Variants in CDK6 observed in about 807,000 individuals in gnomAD.
CDK6 encodes cyclin dependent kinase 6, also known as cyclin-dependent kinase 6.
CDK6 carries 6 observed loss-of-function variants against 37.1 expected under a neutral mutation model. That is an observed-to-expected ratio of 0.16 (90% CI 0.09 to 0.32). The LOEUF (loss-of-function observed/expected upper bound fraction) is 0.32, where lower values mean the gene tolerates loss of function less well. Among genes scored for constraint, CDK6 ranks in the 10% least tolerant of loss-of-function variants. The pLI is 1.00. For synonymous variants in CDK6, 160 were observed against 161.3 expected (o/e 0.99, Z 0.06); for missense variants, 224 against 418.9 (o/e 0.53, Z 4.06).
At position 92,833,642 on chromosome 7, in the gene CDK6, C is replaced by A. The variant is rs1224605554; in HGVS notation, c.-319G>T. The A allele has an allele frequency of 7.9e-6, 4 of 505,432 alleles. No homozygotes were observed. Among genetic ancestry groups the A allele is most frequent in the Non-Finnish European group, 1.4e-5 (4 of 291,228 alleles). 31.3% of individuals were successfully genotyped at this position (505,432 alleles called of 1,614,324 possible). The stretch of plus-strand genomic sequence containing the variant: ...CGAAGCGAAGTCCTCAACACAGACA[C>A]GATTACATAGCCTCTGCCCAAGCGC... On this transcript the variant is annotated 5_prime_UTR_variant, in exon 2 of 8. Transcript: ENST00000424848. The surrounding 1 kb of genome is among the most constrained non-coding windows in gnomAD (Gnocchi z 6.1).
intron 2 of CDK6, among the ~76,000 whole-genome samples, chr7:92,817,613 C>A (rs762779092): frequency 5.3e-5 from 8 of 151,792 alleles, no homozygotes; most frequent in Non-Finnish European, 8.8e-5. Context: ...CTGCTCTCAC[C>A]ACTTTTATTT....
At chr7:92,710,619 G>T in intron 4 of CDK6, 1 of 664,436 alleles carries the variant, frequency 1.5e-6, no homozygotes, top group Non-Finnish European at 1.9e-6. Flanking sequence ...TGCTATAAAT[G>T]GGTCCAGAAA....
At chr7:92,819,986 T>TA (rs888959382) in intron 2 of CDK6, among the ~76,000 whole-genome samples, 1 of 151,146 alleles carries the variant, frequency 6.6e-6, no homozygotes, top group East Asian at 1.9e-4. Flanking sequence ...AAGCAGCCAT[T>TA]AAAAAAAATA....
chr7:92,692,098 T>A (rs967111881), intron 4 of CDK6, among the ~76,000 whole-genome samples: 1 of 151,658 alleles, frequency 6.6e-6, no homozygotes, highest in African/African-American at 2.4e-5. Flanking sequence ...GGAAACTCCA[T>A]CTCTATTAAA....
chr7:92,804,834 A>G lies in CDK6; in HGVS notation c.233+28257T>C, dbSNP rs546489228. Among the ~76,000 whole-genome samples, 4 of 152,284 alleles carry G rather than the reference A, an allele frequency of 2.6e-5. No individual in the cohort carries two copies. In the East Asian group the frequency reaches 7.7e-4, roughly 29 times the overall value. On this transcript the variant is annotated intron_variant, in intron 2 of 7. Transcript: ENST00000424848. Reference sequence around the variant, plus strand: ...AGTAGTCGCAGCACTAGTAACATCTATAAACTCTACCGCCCCAGTTGTGAT... The same window carrying G: ...AGTAGTCGCAGCACTAGTAACATCTGTAAACTCTACCGCCCCAGTTGTGAT...
At chr7:92,641,844 T>C (rs1210553438) in intron 5 of CDK6, among the ~76,000 whole-genome samples, 1 of 152,140 alleles carries the variant, frequency 6.6e-6, no homozygotes, top group Non-Finnish European at 1.5e-5. Flanking sequence ...GCTCTTTACT[T>C]GACTAAAACC....
At chr7:92,701,101 A>C (rs535934768) in intron 4 of CDK6, among the ~76,000 whole-genome samples, 84 of 152,264 alleles carry the variant, frequency 5.5e-4, no homozygotes, top group Admixed American at 4.6e-3. Flanking sequence ...GCTTCTTTGG[A>C]AAATAGTGGG....
chr7:92,654,268 T>C (rs755134322), intron 5 of CDK6, among the ~76,000 whole-genome samples: 9 of 152,212 alleles, frequency 5.9e-5, no homozygotes, highest in Non-Finnish European at 8.8e-5. Context: ...GAAATTTTCT[T>C]CTGATTTAGC....
At chr7:92,777,808 T>C (rs1347034145) in intron 2 of CDK6, among the ~76,000 whole-genome samples, 1 of 152,198 alleles carries the variant, frequency 6.6e-6, no homozygotes. Flanking sequence ...ATTGAATATA[T>C]AAATTACTTT....
chr7:92,618,201 A>C lies in CDK6; in HGVS notation c.705T>G (p.Ile235Met). ...VDQLGKILDV[I>M]GLPGEEDWPR... is the part of the protein sequence containing the mutation. Reference sequence around the variant, plus strand: ...GCCAGTCTTCTTCTCCTGGGAGTCCAATCACGCTACAAAAGAACCACACAT... The same window carrying C: ...GCCAGTCTTCTTCTCCTGGGAGTCCCATCACGCTACAAAAGAACCACACAT... Residue 235 changes from isoleucine to methionine, a missense_variant, in exon 7 of 8, where the codon ATT becomes ATG. Transcript: ENST00000424848. 1 of 1,614,058 alleles carries C rather than the reference A, an allele frequency of 6.2e-7. No individual in the cohort carries two copies. Among genetic ancestry groups the C allele is most frequent in the Non-Finnish European group, 8.5e-7 (1 of 1,179,934 alleles).
intron 3 of CDK6, among the ~76,000 whole-genome samples, chr7:92,746,033 C>T (rs1440303581): frequency 2.6e-5 from 4 of 152,116 alleles, no homozygotes; most frequent in African/African-American, 9.7e-5. Flanking sequence ...CCAGACCGTA[C>T]CTACAGTCCA....
Position 92,609,826 on chromosome 7 carries a change from A to C in CDK6, c.*5314T>G, listed in dbSNP as rs1051929285. On this transcript the variant is annotated 3_prime_UTR_variant, in exon 8 of 8. Transcript: ENST00000424848. ...TACTTCAAAAATTTTTTCTTGACTGAATGAATGACTAGGCTTTCTTTACTT... is the reference window on the plus strand; with the variant it reads ...TACTTCAAAAATTTTTTCTTGACTGCATGAATGACTAGGCTTTCTTTACTT... 2.0e-4 allele frequency: 45 copies of C among 230,668 alleles called. No homozygotes were observed. The highest frequency in any genetic ancestry group is 9.3e-4 in the African/African-American group (42 of 45,242). The allele number at this position is 230,668 out of a possible 1,614,324, so 14.3% of individuals were successfully genotyped here.
intron 4 of CDK6, among the ~76,000 whole-genome samples, chr7:92,685,020 CTT>C (rs1210925742): frequency 6.6e-6 from 1 of 152,154 alleles, no homozygotes; most frequent in African/African-American, 2.4e-5. Flanking sequence ...TTAATTTCCT[CTT>C]TCTTTTATAA....
At chr7:92,724,376 C>A (rs2116706247) in intron 4 of CDK6, among the ~76,000 whole-genome samples, 1 of 152,134 alleles carries the variant, frequency 6.6e-6, no homozygotes, top group South Asian at 2.1e-4. Flanking sequence ...CAACATTTTC[C>A]AAGGAATCCT....
At chr7:92,651,588 T>C (rs1585369907) in intron 5 of CDK6, among the ~76,000 whole-genome samples, 1 of 152,144 alleles carries the variant, frequency 6.6e-6, no homozygotes, top group Non-Finnish European at 1.5e-5. Flanking sequence ...TTTGATATTA[T>C]AAGGAGCATA....
At chr7:92,698,099 T>C (rs900746137) in intron 4 of CDK6, among the ~76,000 whole-genome samples, 3 of 152,188 alleles carry the variant, frequency 2.0e-5, no homozygotes, top group Non-Finnish European at 4.4e-5. Context: ...AAGAAAATAA[T>C]TGTTGCCATC....
In CDK6 at chr7:92,834,804, G is replaced by T. The variant is rs1043622689; in HGVS notation, c.-367-1114C>A. Among the ~76,000 whole-genome samples, 2 of 152,034 alleles carry T rather than the reference G, an allele frequency of 1.3e-5. No homozygotes were observed. The highest frequency in any genetic ancestry group is 2.9e-5 in the Non-Finnish European group (2 of 67,980). On this transcript the variant is annotated intron_variant, in intron 1 of 7. Coordinates refer to ENST00000424848, the MANE Select transcript of CDK6 (RefSeq NM_001145306.2). This position sits in a 1 kb window ranked among gnomAD's most constrained non-coding sequence, Gnocchi z 4.6. The stretch of plus-strand genomic sequence containing the variant: ...CCCGCTGTAGGTAGCAGAGGTGGCT[G>T]CCCCATTCCCCCTCCGGCTAAAGGC...
chr7:92,658,360 C>T (rs1240375397), intron 5 of CDK6, among the ~76,000 whole-genome samples: 1 of 151,916 alleles, frequency 6.6e-6, no homozygotes. Context: ...ACCAAAAAAC[C>T]CCTAAATGTC....
At position 92,606,791 on chromosome 7, in the gene CDK6, TTA is replaced by T. The variant is rs1795439249; in HGVS notation, c.*8347_*8348del. On this transcript the variant is annotated 3_prime_UTR_variant, in exon 8 of 8. Coordinates refer to ENST00000424848, the MANE Select transcript of CDK6 (RefSeq NM_001145306.2). ...ATACATTTTACAGTGAAAACCTACT[TTA>T]ACACATCTCAAAATGATAATCGTAT... 8 of 232,974 alleles carry T rather than the reference TTA, an allele frequency of 3.4e-5. No individual in the cohort carries two copies. In the East Asian group the frequency reaches 4.8e-4, roughly 14 times the overall value. The allele number at this position is 232,974 out of a possible 1,614,324, so 14.4% of individuals were successfully genotyped here. A position where few individuals can be genotyped will look rare whatever the true frequency, so the allele number is the denominator to read the frequency against.
Sources: allele counts gnomAD v4.1 joint callset (sites outside exome capture counted in the v4.1 genomes callset), GRCh38; gene constraint gnomAD v4.1.1; non-coding constraint Gnocchi (gnomAD v3.1); transcripts MANE v1.5; gene names NCBI Gene and HGNC (gene_info 2026-07-23, HGNC 2026-07-21).